Variants in CRIM1 observed in about 807,000 individuals in gnomAD.
The protein encoded by CRIM1 is cysteine rich transmembrane BMP regulator 1.
In CRIM1, 32 loss-of-function variants were observed where a neutral mutation model predicts 116.4. The ratio of observed to expected loss-of-function variants is 0.27; its 90% CI spans 0.21 to 0.37. The LOEUF (loss-of-function observed/expected upper bound fraction) is 0.37. Ranked by LOEUF, CRIM1 falls within the 10% of genes least tolerant of loss-of-function variation. CRIM1 has a pLI of 1.00. For synonymous variants in CRIM1, 590 were observed against 509.2 expected (o/e 1.16, Z -2.13); for missense variants, 1,331 against 1,354.8 (o/e 0.98, Z 0.28).
chr2:36,550,554 T>G lies in CRIM1; in HGVS notation c.*1853T>G, dbSNP rs1667698105. On this transcript the variant is annotated 3_prime_UTR_variant, in exon 17 of 17. Coordinates refer to ENST00000280527, the MANE Select transcript of CRIM1 (RefSeq NM_016441.3). Reference sequence around the variant, plus strand: ...TTGCTGAACTTTAAAAAAAATTAATTTATTATTATAATGACCTAATTTATT... The same window carrying G: ...TTGCTGAACTTTAAAAAAAATTAATGTATTATTATAATGACCTAATTTATT... The G allele has an allele frequency of 6.6e-6, 1 of 152,474 alleles. No individual in the cohort carries two copies. Among genetic ancestry groups the G allele is most frequent in the Admixed American group, 6.5e-5 (1 of 15,268 alleles). The allele number at this position is 152,474 out of a possible 1,614,324, so 9.4% of individuals were successfully genotyped here.
At chr2:36,455,066 G>A (rs1677032884) in intron 4 of CRIM1, among the ~76,000 whole-genome samples, 2 of 152,200 alleles carry the variant, frequency 1.3e-5, no homozygotes, top group South Asian at 4.1e-4. Flanking sequence ...AGATGTCTCA[G>A]TGACTTTGAA....
intron 13 of CRIM1, among the ~76,000 whole-genome samples, chr2:36,526,519 G>A (rs1165018687): frequency 6.6e-6 from 1 of 152,168 alleles, no homozygotes; most frequent in African/African-American, 2.4e-5. Context: ...TTTCAGTGAA[G>A]TCTTTATTTC....
chr2:36,432,037 C>G (rs535935291), intron 2 of CRIM1, among the ~76,000 whole-genome samples: 2 of 152,212 alleles, frequency 1.3e-5, no homozygotes, highest in Admixed American at 1.3e-4. Context: ...ATGTTTATGC[C>G]TCTGTGACAT....
intron 2 of CRIM1, among the ~76,000 whole-genome samples, chr2:36,435,118 T>C (rs1451604694): frequency 6.6e-6 from 1 of 152,190 alleles, no homozygotes; most frequent in Non-Finnish European, 1.5e-5. Context: ...CGTGATACTC[T>C]AGGCTGATAC....
chr2:36,387,981 T>C (rs1049090694), intron 1 of CRIM1, among the ~76,000 whole-genome samples: 1 of 152,064 alleles, frequency 6.6e-6, no homozygotes, highest in African/African-American at 2.4e-5. Context: ...GCTTGTCTTA[T>C]GCCCTGTGAA....
intron 1 of CRIM1, among the ~76,000 whole-genome samples, chr2:36,380,059 A>G (rs938237943): frequency 2.0e-5 from 3 of 152,166 alleles, no homozygotes; most frequent in Admixed American, 6.5e-5. Flanking sequence ...TGATGCATGA[A>G]TGGCAGCCCT....
intron 2 of CRIM1, among the ~76,000 whole-genome samples, chr2:36,401,274 C>G: frequency 6.6e-6 from 1 of 152,092 alleles, no homozygotes; most frequent in East Asian, 1.9e-4. Flanking sequence ...ACCATAAAAT[C>G]AGTTTGTTAA....
chr2:36,406,144 A>G (rs981348468), intron 2 of CRIM1, among the ~76,000 whole-genome samples: 4 of 152,228 alleles, frequency 2.6e-5, no homozygotes, highest in Non-Finnish European at 5.9e-5. Context: ...AATCAGATAT[A>G]CTGAAAATTA....
chr2:36,487,423 T>G (rs906147616), intron 7 of CRIM1, among the ~76,000 whole-genome samples: 2 of 152,194 alleles, frequency 1.3e-5, no homozygotes, highest in Non-Finnish European at 2.9e-5. Context: ...AGAATATTTT[T>G]GGTGCCTCTC....
intron 7 of CRIM1, among the ~76,000 whole-genome samples, chr2:36,480,836 C>T (rs931141507): frequency 3.9e-5 from 6 of 152,096 alleles, no homozygotes; most frequent in Non-Finnish European, 7.4e-5. Flanking sequence ...GTGGAAGTCA[C>T]CCACCCCTGC....
intron 2 of CRIM1, among the ~76,000 whole-genome samples, chr2:36,412,238 G>GAGT (rs1243320473): frequency 6.6e-6 from 1 of 151,344 alleles, no homozygotes; most frequent in African/African-American, 2.4e-5. Context: ...AGCAAAAGGG[G>GAGT]AGTAGCTGTT....
rs566440160 is a variant in CRIM1 at position 36,500,428 on chromosome 2, T to C, written c.1501+1081T>C. Among the ~76,000 whole-genome samples the C allele has an allele frequency of 6.6e-5, 10 of 152,330 alleles. No homozygotes were observed. The South Asian group carries it at 1.2e-3, about 19-fold the overall frequency. On this transcript the variant is annotated intron_variant, in intron 8 of 16. Coordinates refer to ENST00000280527, the MANE Select transcript of CRIM1 (RefSeq NM_016441.3). The stretch of plus-strand genomic sequence containing the variant: ...TTGAATTGCACTTCGTTGGCTGATA[T>C]TGAGGTTATAAGTAGCTAAAAACAC...
intron 2 of CRIM1, among the ~76,000 whole-genome samples, chr2:36,423,038 A>G (rs1205880102): frequency 1.3e-5 from 2 of 152,224 alleles, no homozygotes; most frequent in African/African-American, 4.8e-5. Context: ...GTGCTTAGGT[A>G]AGAAAGGAAT....
At chr2:36,531,307 C>T (rs1017497146) in intron 13 of CRIM1, among the ~76,000 whole-genome samples, 2 of 152,162 alleles carry the variant, frequency 1.3e-5, no homozygotes, top group African/African-American at 4.8e-5. Context: ...AGAAATCCAA[C>T]TATAACATAG....
At chr2:36,445,877 C>A (rs988403137) in intron 4 of CRIM1, among the ~76,000 whole-genome samples, 1 of 151,918 alleles carries the variant, frequency 6.6e-6, no homozygotes, top group Non-Finnish European at 1.5e-5. Context: ...TGTCAAATGT[C>A]CACTCTTTAA....
At chr2:36,450,943 A>G (rs1676670941) in intron 4 of CRIM1, among the ~76,000 whole-genome samples, 2 of 152,196 alleles carry the variant, frequency 1.3e-5, no homozygotes, top group Admixed American at 6.5e-5. Context: ...GGGTTCCAGA[A>G]TTCACAGCCT....
intron 4 of CRIM1, among the ~76,000 whole-genome samples, chr2:36,443,286 G>T (rs945023657): frequency 1.4e-4 from 22 of 152,170 alleles, no homozygotes; most frequent in African/African-American, 4.8e-4. Context: ...AACCCTAGTA[G>T]CAGGGCATGC....
At chr2:36,396,549 G>T in intron 1 of CRIM1, 65 bp from the exon 2 acceptor site, 1 of 1,110,994 alleles carries the variant, frequency 9.0e-7, no homozygotes, top group Non-Finnish European at 1.2e-6. Context: ...GTGCGTTTTT[G>T]CCCGCGAACA....
At chr2:36,375,515 G>T (rs920962372) in intron 1 of CRIM1, among the ~76,000 whole-genome samples, 1 of 152,118 alleles carries the variant, frequency 6.6e-6, no homozygotes, top group Non-Finnish European at 1.5e-5. Flanking sequence ...AATGTTAAGT[G>T]CTCTTTAGAT....
Sources: gnomAD v4.1 joint callset for allele counts (sites outside exome capture counted in the v4.1 genomes callset) on GRCh38, gnomAD v4.1.1 for gene constraint, MANE v1.5 for transcripts, NCBI Gene and HGNC (gene_info 2026-07-23, HGNC 2026-07-21) for gene names.